RABEPK: variants seen among roughly 807,000 people sequenced by gnomAD.
RABEPK encodes 40 kDa Rab9 effector protein.
Under a neutral mutation model 34.1 loss-of-function variants are expected in RABEPK, and 27 were observed. The ratio of observed to expected loss-of-function variants is 0.79; its 90% CI spans 0.58 to 1.09. The LOEUF (loss-of-function observed/expected upper bound fraction) is 1.09. RABEPK is among the 50% of genes least tolerant of loss of function. The probability of loss-of-function intolerance (pLI) is 0.00; values close to 1 mark genes in which losing one functional copy is unlikely to be tolerated. For synonymous variants in RABEPK, 172 were observed against 169.2 expected (o/e 1.02, Z -0.13); for missense variants, 449 against 462.6 (o/e 0.97, Z 0.27).
intron 1 of RABEPK, 110 bp from the exon 2 acceptor site, chr9:125,202,898 A>T: frequency 1.8e-6 from 1 of 569,680 alleles, no homozygotes; most frequent in South Asian, 3.4e-5. Context: ...ATTCAAATCA[A>T]TCAGGCCTAG....
chr9:125,225,168 T>C (rs1397223955), intron 5 of RABEPK, among the ~76,000 whole-genome samples: 1 of 152,024 alleles, frequency 6.6e-6, no homozygotes, highest in African/African-American at 2.4e-5. Flanking sequence ...GTGGATCACT[T>C]GAGCCCAGGA....
intron 4 of RABEPK, among the ~76,000 whole-genome samples, chr9:125,219,354 G>A (rs910839180): frequency 4.0e-5 from 6 of 150,032 alleles, no homozygotes; most frequent in African/African-American, 1.5e-4. Context: ...TACAGCCACT[G>A]TGCTCAGCCT....
intron 1 of RABEPK, among the ~76,000 whole-genome samples, chr9:125,202,516 T>C (rs1029813737): frequency 6.7e-6 from 1 of 148,872 alleles, no homozygotes; most frequent in East Asian, 2.0e-4. Context: ...AGTGAGACTC[T>C]ATCTAAAAAT....
Position 125,213,456 on chromosome 9 carries a change from C to T in RABEPK, c.298C>T (p.Arg100Cys), listed in dbSNP as rs368153260. ...ASFIPSCTPD[R>C]IWVFGGANQS... ...CTTCATTCCCTCCTGCACACCTGAC[C>T]GTATCTGGGTATTTGGAGGTGCCAA... The change falls in exon 4 of 8, where the codon CGT becomes TGT. Residue 100 changes from arginine (R) to cysteine (C), a missense_variant. Arg to Cys is a radical substitution (Grantham distance 180). Transcript: ENST00000373538. 2.1e-5 allele frequency: 34 copies of T among 1,614,008 alleles called. 2 individuals are homozygous for T. Among genetic ancestry groups the T allele is most frequent in the African/African-American group, 1.5e-4 (11 of 75,012 alleles).
intron 5 of RABEPK, among the ~76,000 whole-genome samples, chr9:125,225,259 C>G (rs1343048575): frequency 6.6e-6 from 1 of 152,222 alleles, no homozygotes; most frequent in Non-Finnish European, 1.5e-5. Context: ...ATGGTGTGCA[C>G]CTATAATCCC....
Position 125,227,984 on chromosome 9 carries a change from G to A in RABEPK, c.601G>A (p.Ala201Thr), listed in dbSNP as rs376538338. ...CCGGCATGGTCATGTGATGGTGGCA[G>A]CAGGGACAAAGCTCTTCATCCACGG... Reference protein sequence around the residue: ...SPRHGHVMVAAGTKLFIHGGL... With the variant: ...SPRHGHVMVATGTKLFIHGGL... The change falls in exon 6 of 8, where the codon GCA (alanine) becomes ACA (threonine). Residue 201 changes from alanine (A) to threonine (T), a missense_variant. By Grantham distance (58) the Ala-to-Thr change is moderately conservative. Coordinates refer to ENST00000373538, the MANE Select transcript of RABEPK (RefSeq NM_005833.4). 6.2e-7 allele frequency: 1 copy of A among 1,608,392 alleles called. No individual in the cohort carries two copies.
chr9:125,206,509 AGAG>A (rs1830236713), intron 2 of RABEPK, among the ~76,000 whole-genome samples: 2 of 139,298 alleles, frequency 1.4e-5, no homozygotes, highest in African/African-American at 2.6e-5. Flanking sequence ...AAAAAAAAAA[AGAG>A]AGAGAGAGAT....
chr9:125,221,011 A>G (rs529408706), intron 5 of RABEPK: 40 of 208,526 alleles, frequency 1.9e-4, no homozygotes, highest in African/African-American at 8.7e-4. Flanking sequence ...AAACACAAAA[A>G]TTATCCGGGC....
intron 3 of RABEPK, among the ~76,000 whole-genome samples, chr9:125,211,066 C>A (rs1290153573): frequency 2.0e-5 from 3 of 150,286 alleles, no homozygotes; most frequent in Non-Finnish European, 4.4e-5. Context: ...AAACCCATCT[C>A]TACTAAAAAT....
At chr9:125,203,459 T>TG (rs1219499228) in intron 2 of RABEPK, among the ~76,000 whole-genome samples, 1 of 152,158 alleles carries the variant, frequency 6.6e-6, no homozygotes, top group Non-Finnish European at 1.5e-5. Flanking sequence ...ATTGGCCTGA[T>TG]GGGGGCAGCT....
At chr9:125,228,143 C>G (rs1831901761) in intron 6 of RABEPK, 84 bp downstream of exon 6, 1 of 1,195,194 alleles carries the variant, frequency 8.4e-7, no homozygotes, top group Non-Finnish European at 1.1e-6. Flanking sequence ...CTGTCTGTCA[C>G]TCAGGCTGGA....
Position 125,234,138 on chromosome 9 carries a change from A to G in RABEPK, c.*158A>G, listed in dbSNP as rs1301458070. ...ATGCAAATAATTCTTATGTGCACTA[A>G]ACCTTGCTATATTGCCTCTCAGAGC... On this transcript the variant is annotated 3_prime_UTR_variant, in exon 8 of 8. Transcript: ENST00000373538. 6 of 754,996 alleles carry G rather than the reference A, an allele frequency of 7.9e-6. No individual in the cohort carries two copies. Among genetic ancestry groups the G allele is most frequent in the Non-Finnish European group, 1.3e-5 (6 of 468,232 alleles). The allele number at this position is 754,996 out of a possible 1,614,324, so 46.8% of individuals were successfully genotyped here.
chr9:125,234,028 G>C lies in RABEPK; in HGVS notation c.*48G>C, dbSNP rs781330106. The C allele has an allele frequency of 4.1e-6, 6 of 1,479,972 alleles. No individual in the cohort carries two copies. The highest frequency in any genetic ancestry group is 5.6e-6 in the Non-Finnish European group (6 of 1,080,666). 91.7% of individuals were successfully genotyped at this position (1,479,972 alleles called of 1,614,324 possible). A position where few individuals can be genotyped will look rare whatever the true frequency, so the allele number is the denominator to read the frequency against. On this transcript the variant is annotated 3_prime_UTR_variant, in exon 8 of 8. Coordinates refer to ENST00000373538, the MANE Select transcript of RABEPK (RefSeq NM_005833.4). The stretch of plus-strand genomic sequence containing the variant: ...TGTCAGTTACTTTCAGAATAGTTAA[G>C]TAAAACATTAGCTGTTTTATACCTC...
At chr9:125,205,176 C>CAGG in intron 2 of RABEPK, among the ~76,000 whole-genome samples, 1 of 152,260 alleles carries the variant, frequency 6.6e-6, no homozygotes, top group South Asian at 2.1e-4. Context: ...GGTGCTTCTT[C>CAGG]AGGAAGCCTT....
intron 2 of RABEPK, among the ~76,000 whole-genome samples, chr9:125,205,927 G>A (rs751827712): frequency 7.3e-6 from 1 of 136,506 alleles, no homozygotes; most frequent in African/African-American, 2.9e-5. Flanking sequence ...GTAAGCAAAT[G>A]TAAAGTGAGG....
chr9:125,220,739 T>A (rs1831275359), intron 5 of RABEPK, 39 bp downstream of exon 5: 1 of 1,591,630 alleles, frequency 6.3e-7, no homozygotes, highest in Admixed American at 1.8e-5. Context: ...GTCAGGGCCA[T>A]CCCAGTTTAC....
rs576633918 is a variant in RABEPK, at chr9:125,231,676, C to G, written c.677-920C>G. On this transcript the variant is annotated intron_variant, in intron 6 of 7. Coordinates refer to ENST00000373538, the MANE Select transcript of RABEPK (RefSeq NM_005833.4). ...AATTAGCCAGACCCGGTGGCAGGTG[C>G]CTGTAATCCCAGCTACTCGGGAGGC... 9.9e-5 allele frequency among the ~76,000 whole-genome samples: 15 copies of G among 151,956 alleles called. 2 individuals are homozygous for G. Among genetic ancestry groups the G allele is most frequent in the South Asian group, 8.3e-4 (4 of 4,814 alleles).
intron 2 of RABEPK, among the ~76,000 whole-genome samples, chr9:125,204,946 A>C (rs1452298147): frequency 6.6e-6 from 1 of 151,608 alleles, no homozygotes; most frequent in Non-Finnish European, 1.5e-5. Flanking sequence ...TCCCATCTCC[A>C]TCTCCCAAGT....
chr9:125,203,106 T>C, intron 2 of RABEPK, 40 bp downstream of exon 2: 1 of 1,556,082 alleles, frequency 6.4e-7, no homozygotes. Flanking sequence ...AGCATGAGTT[T>C]TTGTTTCATT....
Sources: gnomAD v4.1 joint callset for allele counts (sites outside exome capture counted in the v4.1 genomes callset) on GRCh38, gnomAD v4.1.1 for gene constraint, MANE v1.5 for transcripts, NCBI Gene and HGNC (gene_info 2026-07-23, HGNC 2026-07-21) for gene names.